The following DENND6A variants were observed in gnomAD, a reference collection of about 807,000 sequenced individuals.
DENND6A encodes DENN domain containing 6A.
A neutral mutation model predicts 95.5 loss-of-function variants in DENND6A; 43 were observed. The observed-to-expected ratio is 0.45, with a 90% CI of 0.35 to 0.58. DENND6A has a LOEUF of 0.58. Among genes scored for constraint, DENND6A ranks in the 20% least tolerant of loss-of-function variants. The pLI is 0.00. For synonymous variants in DENND6A, 257 were observed against 260.4 expected (o/e 0.99, Z 0.13); for missense variants, 574 against 736.0 (o/e 0.78, Z 2.55).
At chr3:57,632,008 C>A (rs1405302071) in intron 15 of DENND6A, among the ~76,000 whole-genome samples, 1 of 143,668 alleles carries the variant, frequency 7.0e-6, no homozygotes, top group Non-Finnish European at 1.5e-5. Context: ...AGGCGTGAGC[C>A]ACCGCGCCCG....
chr3:57,693,041 G>A lies in DENND6A; in HGVS notation c.-23C>T, dbSNP rs765987700. 4 of 1,385,556 alleles carry A rather than the reference G, an allele frequency of 2.9e-6. No individual in the cohort carries two copies. Among genetic ancestry groups the A allele is most frequent in the South Asian group, 1.6e-5 (1 of 62,098 alleles). The allele number at this position is 1,385,556 out of a possible 1,614,324, so 85.8% of individuals were successfully genotyped here. A position where few individuals can be genotyped will look rare whatever the true frequency, so the allele number is the denominator to read the frequency against. ...CATCGGCCGCCCCCTGACCGTTCGC[G>A]CCGCCTCCACAGCGGACCGCGCCGC... On this transcript the variant is annotated 5_prime_UTR_variant, in exon 1 of 20. Transcript: ENST00000311128.
chr3:57,657,168 T>C, intron 9 of DENND6A, among the ~76,000 whole-genome samples: 1 of 152,348 alleles, frequency 6.6e-6, no homozygotes, highest in East Asian at 1.9e-4. Flanking sequence ...TTCCTCTATT[T>C]CTTTTCTAAG....
chr3:57,672,237 C>T lies in DENND6A; in HGVS notation c.319+19G>A, dbSNP rs1340374013. The T allele has an allele frequency of 6.3e-7, 1 of 1,596,646 alleles. No homozygotes were observed. The highest frequency in any genetic ancestry group is 8.5e-7 in the Non-Finnish European group (1 of 1,170,578). ...CTTAGTATAAAATTAAACAGAAACA[C>T]TGTATGAAAAACAGTTACCTGAATT... On this transcript the variant is annotated intron_variant, in intron 3 of 19. Coordinates refer to ENST00000311128, the MANE Select transcript of DENND6A (RefSeq NM_152678.3).
chr3:57,659,385 CACAGT>C (rs1203020964), intron 7 of DENND6A, among the ~76,000 whole-genome samples: 1 of 151,624 alleles, frequency 6.6e-6, no homozygotes, highest in African/African-American at 2.4e-5. Flanking sequence ...CCCACACACA[CACAGT>C]AATCACTAAC....
At chr3:57,651,938 G>A (rs563632890) in intron 9 of DENND6A, among the ~76,000 whole-genome samples, 3 of 152,242 alleles carry the variant, frequency 2.0e-5, no homozygotes, top group Admixed American at 1.3e-4. Flanking sequence ...GCTGTGCATG[G>A]TGGCTCACTC....
At position 57,691,249 on chromosome 3, in the gene DENND6A, T is replaced by C. The variant is rs2077261512; in HGVS notation, c.237+1533A>G. Among the ~76,000 whole-genome samples the C allele has an allele frequency of 2.6e-5, 4 of 152,322 alleles. No individual in the cohort carries two copies. The South Asian group carries it at 8.3e-4, about 32-fold the overall frequency. On this transcript the variant is annotated intron_variant, in intron 1 of 19. Transcript: ENST00000311128. ...CAGGTTAACATGGCAAGGTGAATAA[T>C]AAATGGCTTATAAATCTCTTACTCA... is the stretch of plus-strand genomic sequence containing the variant.
At chr3:57,670,928 A>C (rs1179426423) in intron 3 of DENND6A, among the ~76,000 whole-genome samples, 2 of 152,234 alleles carry the variant, frequency 1.3e-5, no homozygotes, top group Non-Finnish European at 2.9e-5. Flanking sequence ...AGATTTTATA[A>C]GAAAAATGTT....
chr3:57,685,677 T>G (rs1224244141), intron 1 of DENND6A, among the ~76,000 whole-genome samples: 2 of 152,214 alleles, frequency 1.3e-5, no homozygotes, highest in East Asian at 3.8e-4. Flanking sequence ...ATATCTTTAA[T>G]GTCTGATTTA....
Position 57,661,527 on chromosome 3 carries a change from G to A in DENND6A, c.538C>T (p.Pro180Ser). ...ACAGTGTGAAAAAAATGAATATAAG[G>A]TAGTTTGCTGATCAAAACCAAGGAC... ...QKSLVLISKL[P>S]YIHFFHTVLK... The change falls in exon 6 of 20, where the codon CCT becomes TCT. Residue 180 changes from proline to serine, a missense_variant. This residue lies in a region of DENND6A where 452 missense variants were observed against 630.9 expected (regional missense o/e 0.72). Transcript: ENST00000311128. 3.8e-6 allele frequency: 6 copies of A among 1,579,068 alleles called. No individual in the cohort carries two copies. Among genetic ancestry groups the A allele is most frequent in the Non-Finnish European group, 4.3e-6 (5 of 1,172,078 alleles).
At chr3:57,688,368 T>C (rs1056397655) in intron 1 of DENND6A, among the ~76,000 whole-genome samples, 1 of 152,014 alleles carries the variant, frequency 6.6e-6, no homozygotes. Context: ...ACAGTAGACA[T>C]GTTTAGGAGA....
intron 19 of DENND6A, among the ~76,000 whole-genome samples, chr3:57,628,585 T>C (rs2070586317): frequency 6.6e-6 from 1 of 152,256 alleles, no homozygotes; most frequent in South Asian, 2.1e-4. Context: ...AATGTTTTTA[T>C]AGAGCTTATT....
chr3:57,691,758 G>C (rs1404967123), intron 1 of DENND6A, among the ~76,000 whole-genome samples: 4 of 148,270 alleles, frequency 2.7e-5, no homozygotes, highest in East Asian at 3.9e-4. Flanking sequence ...ATGAAAGCAA[G>C]CAATTCCTTA....
At chr3:57,634,331 G>T (rs960889829) in intron 14 of DENND6A, among the ~76,000 whole-genome samples, 5 of 151,678 alleles carry the variant, frequency 3.3e-5, no homozygotes, top group Admixed American at 3.3e-4. Flanking sequence ...TGCTCAGGAG[G>T]CTGAGGCATG....
chr3:57,632,548 T>G (rs1324260835), intron 15 of DENND6A, among the ~76,000 whole-genome samples: 1 of 152,172 alleles, frequency 6.6e-6, no homozygotes, highest in Non-Finnish European at 1.5e-5. Flanking sequence ...ATAAATAACT[T>G]GACACCCAAA....
At chr3:57,652,491 C>A (rs1467652205) in intron 9 of DENND6A, among the ~76,000 whole-genome samples, 2 of 152,180 alleles carry the variant, frequency 1.3e-5, no homozygotes, top group African/African-American at 2.4e-5. Flanking sequence ...CAGAACTACC[C>A]ACCTAAGCAG....
rs1448773023 is a variant in DENND6A, at chr3:57,627,454, A to C, written c.*760T>G. The C allele has an allele frequency of 6.6e-6, 1 of 152,178 alleles. No homozygotes were observed. The highest frequency in any genetic ancestry group is 1.5e-5 in the Non-Finnish European group (1 of 68,046). 9.4% of individuals were successfully genotyped at this position (152,178 alleles called of 1,614,324 possible). A position where few individuals can be genotyped will look rare whatever the true frequency, so the allele number is the denominator to read the frequency against. ...CCACCACACCCAGCCTAATGTTTAA[A>C]TTAGTAAAGGGTAAGAGAAAATAAA... On this transcript the variant is annotated 3_prime_UTR_variant, in exon 20 of 20. Coordinates refer to ENST00000311128, the MANE Select transcript of DENND6A (RefSeq NM_152678.3).
At chr3:57,653,588 TA>T (rs1445657266) in intron 9 of DENND6A, among the ~76,000 whole-genome samples, 3 of 151,130 alleles carry the variant, frequency 2.0e-5, no homozygotes, top group Non-Finnish European at 3.0e-5. Context: ...CTACTAAAAA[TA>T]AAAAAAATTA....
At chr3:57,645,103 A>G (rs1456510356) in intron 11 of DENND6A, among the ~76,000 whole-genome samples, 1 of 152,070 alleles carries the variant, frequency 6.6e-6, no homozygotes, top group Non-Finnish European at 1.5e-5. Context: ...AAGATTTTTC[A>G]TAAAGAAGTA....
rs770188496 is a variant in DENND6A at position 57,630,497 on chromosome 3, T to C, written c.1544A>G (p.Asp515Gly). The C allele has an allele frequency of 4.4e-6, 7 of 1,591,064 alleles. No individual in the cohort carries two copies. Among genetic ancestry groups the C allele is most frequent in the South Asian group, 1.2e-5 (1 of 85,556 alleles). ...YRHFLKSPNFDGWFKTRRKEM... is the reference protein window; with the variant it reads ...YRHFLKSPNFGGWFKTRRKEM... ...CTTCCTCCGGGTCTTAAACCAGCCA[T>C]CAAAATTTGGAGACTTTAGGAAATG... The change falls in exon 18 of 20, where the codon GAT becomes GGT. Residue 515 changes from aspartate (D) to glycine (G), a missense_variant. Coordinates refer to ENST00000311128, the MANE Select transcript of DENND6A (RefSeq NM_152678.3).
Sources: gnomAD v4.1 joint callset for allele counts (sites outside exome capture counted in the v4.1 genomes callset) on GRCh38, gnomAD v4.1.1 for gene constraint, gnomAD v4.1.1 regional missense constraint, MANE v1.5 for transcripts, NCBI Gene and HGNC (gene_info 2026-07-23, HGNC 2026-07-21) for gene names.